The following MYO9A variants were observed in gnomAD, a reference collection of about 807,000 sequenced individuals.
MYO9A encodes myosin IXA.
In MYO9A, 103 loss-of-function variants were observed where a neutral mutation model predicts 293.3. The ratio of observed to expected loss-of-function variants is 0.35; its 90% CI spans 0.30 to 0.41. The LOEUF (loss-of-function observed/expected upper bound fraction) is 0.41. Among genes scored for constraint, MYO9A ranks in the 10% least tolerant of loss-of-function variants. The pLI is 1.00. For missense variants in MYO9A, 2,685 were observed against 3,033.0 expected (o/e 0.89, Z 2.69); for synonymous variants, 1,001 against 1,035.7 (o/e 0.97, Z 0.64).
chr15:72,106,283 G>A (rs1215493588), intron 1 of MYO9A, among the ~76,000 whole-genome samples: 1 of 152,016 alleles, frequency 6.6e-6, no homozygotes, highest in Non-Finnish European at 1.5e-5. Flanking sequence ...TTCAAAACCA[G>A]CCTGGGCAAC....
At position 71,960,025 on chromosome 15, in the gene MYO9A, T is replaced by A; in HGVS notation, c.2058A>T (p.Ala686=). ...IVALLRSSKN[A]FISGMIGIDP... ...CAATTCCAATCATCCCAGAGATAAA[T>A]GCATTCTTGCTGCTTCTCAGAAGAG... is the stretch of plus-strand genomic sequence containing the variant. Residue 686 remains alanine (A), a synonymous_variant, in exon 14 of 42, where the codon GCA becomes GCT. Transcript: ENST00000356056. The A allele has an allele frequency of 6.2e-7, 1 of 1,614,004 alleles. No individual in the cohort carries two copies. Among genetic ancestry groups the A allele is most frequent in the South Asian group, 1.1e-5 (1 of 91,068 alleles).
chr15:72,076,012 T>C (rs2079338677), intron 1 of MYO9A, among the ~76,000 whole-genome samples: 1 of 151,940 alleles, frequency 6.6e-6, no homozygotes, highest in Non-Finnish European at 1.5e-5. Flanking sequence ...GAATTAAAAC[T>C]ATCTTTATGG....
intron 3 of MYO9A, 22 bp downstream of exon 3, chr15:72,032,472 C>A: frequency 2.7e-6 from 4 of 1,461,306 alleles, no homozygotes; most frequent in Non-Finnish European, 3.7e-6. Flanking sequence ...AAAGCCTACG[C>A]CTGCTAAGTA....
chr15:72,054,200 G>A (rs1269620778), intron 1 of MYO9A, among the ~76,000 whole-genome samples: 2 of 152,048 alleles, frequency 1.3e-5, no homozygotes, highest in African/African-American at 4.8e-5. Context: ...TCTCTTAAGG[G>A]TTTTTTTTAG....
chr15:71,968,124 AGCT>A lies in MYO9A; in HGVS notation c.1845-2_1845del. On this transcript the variant is annotated splice_acceptor_variant and coding_sequence_variant, in exon 13 of 42. Coordinates refer to ENST00000356056, the MANE Select transcript of MYO9A (RefSeq NM_006901.4). LOFTEE classifies it high-confidence loss of function. The stretch of plus-strand genomic sequence containing the variant: ...AATGTTTGATTTGTAGCCTGTGGAA[AGCT>A]GAATTAAAAAAAAAAGAAAAAATAT... 6.4e-7 allele frequency: 1 copy of A among 1,564,844 alleles called. No individual in the cohort carries two copies.
At position 71,826,850 on chromosome 15, in the gene MYO9A, G is replaced by A. The variant is rs542612800; in HGVS notation, c.7377C>T (p.Phe2459=). The A allele has an allele frequency of 1.2e-6, 2 of 1,614,180 alleles. 1 individual carries two copies. Among genetic ancestry groups the A allele is most frequent in the South Asian group, 2.2e-5 (2 of 91,088 alleles). ...CCTCATTACCTGAGGCAGCTCGGTAGAATGGAGATTTGGAATAAATCTGAA... is the reference window on the plus strand; with the variant it reads ...CCTCATTACCTGAGGCAGCTCGGTAAAATGGAGATTTGGAATAAATCTGAA... ...KLFQIYSKSP[F]YRAASGNEAL... is the part of the protein sequence containing the mutation. The change falls in exon 42 of 42, where the codon TTC becomes TTT. Residue 2459 remains phenylalanine (F), a synonymous_variant. Transcript: ENST00000356056.
Position 71,893,758 on chromosome 15 carries a change from T to C in MYO9A, c.5063A>G (p.Asn1688Ser). ...TTTATGGAGTTGAGGATTTTTACTG[T>C]TTAAGGCTTCTTTGCTGACACTTTA... ...SIPLVSKEAL[N>S]SKNPQLHKED... is the part of the protein sequence containing the mutation. Residue 1688 changes from asparagine (N) to serine (S), a missense_variant, in exon 26 of 42, where the codon AAC (asparagine) becomes AGC (serine). By Grantham distance (46) the Asn-to-Ser change is conservative. Coordinates refer to ENST00000356056, the MANE Select transcript of MYO9A (RefSeq NM_006901.4). 2 of 1,613,802 alleles carry C rather than the reference T, an allele frequency of 1.2e-6. No homozygotes were observed. Among genetic ancestry groups the C allele is most frequent in the Non-Finnish European group, 1.7e-6 (2 of 1,179,778 alleles).
intron 13 of MYO9A, 161 bp from the exon 14 acceptor site, chr15:71,960,257 T>C (rs1252888515): frequency 4.8e-6 from 3 of 622,818 alleles, no homozygotes; most frequent in Non-Finnish European, 8.4e-6. Flanking sequence ...GTTTGGGTCA[T>C]GGAGGCAGAT....
chr15:71,911,335 G>C (rs776095709), intron 19 of MYO9A, among the ~76,000 whole-genome samples: 13 of 151,770 alleles, frequency 8.6e-5, no homozygotes, highest in Non-Finnish European at 1.3e-4. Context: ...CTTTTCAAAG[G>C]GAATTCATAC....
intron 11 of MYO9A, 90 bp downstream of exon 11, chr15:71,991,013 A>C: frequency 8.3e-7 from 1 of 1,199,392 alleles, no homozygotes; most frequent in South Asian, 2.3e-5. Context: ...AAATCAATAA[A>C]ATGTGTGAAA....
At position 71,825,450 on chromosome 15, in the gene MYO9A, G is replaced by GAT. The variant is rs748250641; in HGVS notation, c.*1128_*1129dup. The GAT allele has an allele frequency of 3.3e-5, 5 of 151,988 alleles. No homozygotes were observed. Among genetic ancestry groups the GAT allele is most frequent in the Non-Finnish European group, 5.9e-5 (4 of 67,968 alleles). The allele number at this position is 151,988 out of a possible 1,614,324, so 9.4% of individuals were successfully genotyped here. A position where few individuals can be genotyped will look rare whatever the true frequency, so the allele number is the denominator to read the frequency against. ...GATTTTTTTCCATCTATTTAATACT[G>GAT]ATAGTCTGAGAAAAGGAAGATAAAA... On this transcript the variant is annotated 3_prime_UTR_variant, in exon 42 of 42. Transcript: ENST00000356056.
chr15:71,999,286 A>G (rs1447763816), intron 9 of MYO9A, among the ~76,000 whole-genome samples: 1 of 152,158 alleles, frequency 6.6e-6, no homozygotes, highest in East Asian at 1.9e-4. Flanking sequence ...TCTGAGTGGT[A>G]TAATAGTAGC....
intron 12 of MYO9A, among the ~76,000 whole-genome samples, chr15:71,969,139 C>T (rs574713167): frequency 1.3e-5 from 2 of 152,260 alleles, no homozygotes; most frequent in Admixed American, 1.3e-4. Flanking sequence ...TATCACAGTG[C>T]CAGTAGAATT....
intron 33 of MYO9A, among the ~76,000 whole-genome samples, chr15:71,861,690 AAAAAAAAAAAAC>A (rs1293164977): frequency 1.3e-5 from 2 of 148,350 alleles, no homozygotes; most frequent in Admixed American, 1.3e-4. Flanking sequence ...AAAAAAAAAA[AAAAAAAAAAAAC>A]AAATAAGTTT....
chr15:71,877,297 A>G (rs567744102), intron 31 of MYO9A, among the ~76,000 whole-genome samples: 1 of 152,310 alleles, frequency 6.6e-6, no homozygotes, highest in East Asian at 1.9e-4. Context: ...CAGGCACTCA[A>G]AATAAAAAGG....
intron 1 of MYO9A, among the ~76,000 whole-genome samples, chr15:72,100,955 TC>T (rs1303937403): frequency 1.0e-5 from 1 of 98,732 alleles, no homozygotes; most frequent in African/African-American, 3.8e-5. Context: ...AGCCGCCGCG[TC>T]CCGGAGGGAG....
At chr15:71,827,853 C>G in intron 41 of MYO9A, 31 bp downstream of exon 41, 1 of 1,584,206 alleles carries the variant, frequency 6.3e-7, no homozygotes, top group Non-Finnish European at 8.6e-7. Context: ...CAAAACAAAT[C>G]TGGAGTCTTT....
At chr15:71,906,786 CAG>C (rs35197577) in intron 19 of MYO9A, among the ~76,000 whole-genome samples, 1,585 of 19,770 alleles carry the variant, frequency 0.08, 17 homozygotes, top group Non-Finnish European at 0.14. Context: ...TTTCCTGAGA[CAG>C]TGTCTCGCTC....
intron 30 of MYO9A, 36 bp downstream of exon 30, chr15:71,879,685 G>C (rs2056813991): frequency 6.8e-7 from 1 of 1,459,876 alleles, no homozygotes. Flanking sequence ...TTCATATGTT[G>C]AACTACTAAA....
Sources: gnomAD v4.1 joint callset for allele counts (sites outside exome capture counted in the v4.1 genomes callset) on GRCh38, gnomAD v4.1.1 for gene constraint, MANE v1.5 for transcripts, NCBI Gene and HGNC (gene_info 2026-07-23, HGNC 2026-07-21) for gene names.